Variants in ZNF420 observed in about 807,000 individuals in gnomAD.
The protein encoded by ZNF420 is zinc finger protein 420, also known as ATM and p53-associated KZNF protein.
In ZNF420, 31 loss-of-function variants were observed where a neutral mutation model predicts 44.7. That is an observed-to-expected ratio of 0.69 (90% CI 0.52 to 0.94). ZNF420 has a LOEUF of 0.94. Among genes scored for constraint, ZNF420 ranks in the 40% least tolerant of loss-of-function variants. The probability of loss-of-function intolerance (pLI) is 0.00; values close to 1 mark genes in which losing one functional copy is unlikely to be tolerated. For synonymous variants in ZNF420, 245 were observed against 267.4 expected (o/e 0.92, Z 0.82); for missense variants, 681 against 827.9 (o/e 0.82, Z 2.18).
At chr19:37,102,679 C>G (rs752972959) in intron 4 of ZNF420, among the ~76,000 whole-genome samples, 3 of 152,130 alleles carry the variant, frequency 2.0e-5, no homozygotes, top group Non-Finnish European at 4.4e-5. Flanking sequence ...CAACCTCCTA[C>G]CTGAATTCCA....
chr19:37,056,982 G>C (rs944259466), intron 1 of ZNF420, among the ~76,000 whole-genome samples: 1 of 152,280 alleles, frequency 6.6e-6, no homozygotes, highest in African/African-American at 2.4e-5. Context: ...AGCGGAGCGC[G>C]AGTCGGCCTA....
intron 1 of ZNF420, among the ~76,000 whole-genome samples, chr19:37,039,753 T>C (rs1222535172): frequency 1.3e-5 from 2 of 151,850 alleles, no homozygotes; most frequent in Admixed American, 6.6e-5. Context: ...CAGACTGGAT[T>C]GCAGTGGTGT....
At chr19:37,016,951 ACCT>A (rs2074613190) in intron 1 of ZNF420, among the ~76,000 whole-genome samples, 1 of 152,056 alleles carries the variant, frequency 6.6e-6, no homozygotes, top group African/African-American at 2.4e-5. Context: ...GGGTTTCATA[ACCT>A]CCTACATGAA....
chr19:37,116,712 A>G (rs1970711927), intron 4 of ZNF420, among the ~76,000 whole-genome samples: 1 of 152,206 alleles, frequency 6.6e-6, no homozygotes, highest in Admixed American at 6.5e-5. Flanking sequence ...AGTCAAAGAA[A>G]GGGGTGACAG....
At chr19:37,054,292 C>T (rs1185894411) in intron 1 of ZNF420, among the ~76,000 whole-genome samples, 1 of 152,250 alleles carries the variant, frequency 6.6e-6, no homozygotes, top group Non-Finnish European at 1.5e-5. Context: ...AATTCCCTGA[C>T]CCCTTGCGCT....
chr19:37,062,335 T>C (rs1967893008), intron 1 of ZNF420, among the ~76,000 whole-genome samples: 2 of 152,176 alleles, frequency 1.3e-5, no homozygotes, highest in South Asian at 2.1e-4. Flanking sequence ...GAGGAACATC[T>C]CATTTTTTGA....
upstream of ZNF420, among the ~76,000 whole-genome samples, chr19:37,073,729 A>G (rs1309116207): frequency 1.4e-5 from 2 of 147,802 alleles, no homozygotes; most frequent in Non-Finnish European, 3.0e-5. Flanking sequence ...TTGGCGACAG[A>G]GCGAGACTCT....
chr19:37,119,949 A>G (rs998357338), intron 4 of ZNF420, among the ~76,000 whole-genome samples: 1 of 152,194 alleles, frequency 6.6e-6, no homozygotes, highest in East Asian at 1.9e-4. Flanking sequence ...GAATAGACCA[A>G]TAACAGGATC....
intron 1 of ZNF420, among the ~76,000 whole-genome samples, chr19:37,021,022 G>T (rs983780463): frequency 6.6e-6 from 1 of 152,128 alleles, no homozygotes; most frequent in African/African-American, 2.4e-5. Flanking sequence ...GCTTTAAATG[G>T]TTATGACACC....
intron 4 of ZNF420, among the ~76,000 whole-genome samples, chr19:37,102,951 ATTAT>A (rs747119953): frequency 6.6e-6 from 1 of 151,796 alleles, no homozygotes; most frequent in African/African-American, 2.4e-5. Context: ...GATTTTGCTA[ATTAT>A]TTCTGCTGTT....
intron 4 of ZNF420, among the ~76,000 whole-genome samples, chr19:37,118,308 G>A (rs1308965307): frequency 2.0e-5 from 3 of 152,128 alleles, no homozygotes; most frequent in African/African-American, 7.2e-5. Context: ...AAGAGAAGGG[G>A]GGCCAATATT....
rs577364891 is a variant in ZNF420 at position 37,026,753 on chromosome 19, C to T, written c.-125+18671C>T. On this transcript the variant is annotated intron_variant, in intron 1 of 4. Coordinates refer to the ZNF420 transcript ENST00000587029. ...CTGGGATTACAGGCGTGAGCCACCA[C>T]GCCTGGCTAAAAAAACCAAAAACTT... 5.3e-5 allele frequency among the ~76,000 whole-genome samples: 8 copies of T among 152,298 alleles called. No homozygotes were observed. In the South Asian group the frequency reaches 8.3e-4, roughly 16 times the overall value.
chr19:37,093,386 C>A (rs73625279), intron 4 of ZNF420, among the ~76,000 whole-genome samples: 1 of 152,228 alleles, frequency 6.6e-6, no homozygotes, highest in African/African-American at 2.4e-5. Context: ...CCACACCCAG[C>A]TAATTTTTGT....
chr19:37,079,682 C>T (rs945547281), intron 1 of ZNF420, among the ~76,000 whole-genome samples: 1 of 152,114 alleles, frequency 6.6e-6, no homozygotes, highest in Non-Finnish European at 1.5e-5. Context: ...AAGTTACAGA[C>T]CTGGTCTTAG....
At chr19:37,058,706 C>T (rs550754546) in intron 1 of ZNF420, among the ~76,000 whole-genome samples, 10 of 151,742 alleles carry the variant, frequency 6.6e-5, no homozygotes, top group African/African-American at 2.2e-4. Flanking sequence ...CCCGCATCCA[C>T]CGGGCACATG....
At position 37,116,679 on chromosome 19, in the gene ZNF420, G is replaced by A. The variant is rs1421754451; in HGVS notation, c.137-10449G>A. Among the ~76,000 whole-genome samples the A allele has an allele frequency of 4.6e-5, 7 of 152,304 alleles. No homozygotes were observed. In the East Asian group the frequency reaches 1.4e-3, roughly 30 times the overall value. On this transcript the variant is annotated intron_variant, in intron 4 of 4. Transcript: ENST00000337995. ...GCATTACCTCACTCAGTAAGTGCAAGGGGTCAGGGAGTTCCCTTTCCTAGT... is the reference window on the plus strand; with the variant it reads ...GCATTACCTCACTCAGTAAGTGCAAAGGGTCAGGGAGTTCCCTTTCCTAGT...
intron 2 of ZNF420, among the ~76,000 whole-genome samples, chr19:37,086,322 A>G (rs147108293): frequency 8.3e-4 from 126 of 152,206 alleles, no homozygotes; most frequent in South Asian, 4.2e-3. Flanking sequence ...GAAACAGTGG[A>G]GTACTCAGCG....
intron 1 of ZNF420, among the ~76,000 whole-genome samples, chr19:37,069,361 CATA>C (rs1968019361): frequency 6.6e-6 from 1 of 152,080 alleles, no homozygotes; most frequent in Non-Finnish European, 1.5e-5. Flanking sequence ...TAAAAGAAAT[CATA>C]GTAGAAATTT....
rs192330060 is a variant in ZNF420 at position 37,046,021 on chromosome 19, A to C, written c.-124-34324A>C. Among the ~76,000 whole-genome samples the C allele has an allele frequency of 9.6e-4, 145 of 151,618 alleles. 1 individual carries two copies. Among genetic ancestry groups the C allele is most frequent in the African/African-American group, 3.1e-3 (130 of 41,470 alleles). ...ACCCCTGATAAACCCATCAGATCTC[A>C]TGAGACTTATTCACTATCATGAGAA... On this transcript the variant is annotated intron_variant, in intron 1 of 4. Transcript: ENST00000587029.
Sources: allele counts gnomAD v4.1 joint callset (sites outside exome capture counted in the v4.1 genomes callset), GRCh38; gene constraint gnomAD v4.1.1; transcripts MANE v1.5; gene names NCBI Gene and HGNC (gene_info 2026-07-23, HGNC 2026-07-21).